Variants in LRP1 observed in about 807,000 individuals in gnomAD.
LRP1 encodes LDL receptor related protein 1.
LRP1 carries 51 observed loss-of-function variants against 541.5 expected under a neutral mutation model. That is an observed-to-expected ratio of 0.09 (90% CI 0.08 to 0.12). The LOEUF is 0.12. LRP1 is among the 10% of genes least tolerant of loss of function. LRP1 has a pLI of 1.00. For synonymous variants in LRP1, 2,219 were observed against 2,470.8 expected, an observed-to-expected ratio of 0.90 and a Z score of 3.02; for missense variants, 3,878 against 6,376.2, an observed-to-expected ratio of 0.61 and a Z score of 13.34.
chr12:57,128,792 C>T lies in LRP1; in HGVS notation c.-173C>T. On this transcript the variant is annotated 5_prime_UTR_variant, in exon 1 of 89. Transcript: ENST00000243077. Reference sequence around the variant, plus strand: ...GTCAGCAGGCCCTCCCCAAGGGGCTCGGAACTCTACCTCTTCACCCACGCC... The same window carrying T: ...GTCAGCAGGCCCTCCCCAAGGGGCTTGGAACTCTACCTCTTCACCCACGCC... 1 of 538,074 alleles carries T rather than the reference C, an allele frequency of 1.9e-6. No individual in the cohort carries two copies. 33.3% of individuals were successfully genotyped at this position (538,074 alleles called of 1,614,324 possible). A position where few individuals can be genotyped will look rare whatever the true frequency, so the allele number is the denominator to read the frequency against.
chr12:57,153,809 A>T (rs552660734), intron 6 of LRP1, among the ~76,000 whole-genome samples: 47 of 152,258 alleles, frequency 3.1e-4, no homozygotes, highest in Middle Eastern at 6.8e-3. Context: ...TTAGCATGAG[A>T]TAACTAGATT....
intron 1 of LRP1, among the ~76,000 whole-genome samples, chr12:57,137,796 A>G (rs2035204078): frequency 1.9e-5 from 2 of 103,954 alleles, no homozygotes; most frequent in Admixed American, 9.4e-5. Flanking sequence ...ACCTTGTCTC[A>G]AAAAAAAAAA....
At chr12:57,136,833 T>A (rs1158111997) in intron 1 of LRP1, among the ~76,000 whole-genome samples, 1 of 152,218 alleles carries the variant, frequency 6.6e-6, no homozygotes, top group Non-Finnish European at 1.5e-5. Context: ...TCTTCATCTG[T>A]GAAATGGTGG....
In LRP1 at chr12:57,212,365, G is replaced by T; in HGVS notation, c.13495-50G>T. The T allele has an allele frequency of 6.2e-7, 1 of 1,613,798 alleles. No homozygotes were observed. Among genetic ancestry groups the T allele is most frequent in the Non-Finnish European group, 8.5e-7 (1 of 1,179,914 alleles). On this transcript the variant is annotated intron_variant, in intron 88 of 88. Coordinates refer to ENST00000243077, the MANE Select transcript of LRP1 (RefSeq NM_002332.3). The surrounding 1 kb of genome is among the most constrained non-coding windows in gnomAD (Gnocchi z 5.0). ...CGGAGGTGGGGGTGGGGTAACCTGG[G>T]CTACAGGCCCAGCTCCTGAGCCCTA...
chr12:57,198,808 G>T, intron 60 of LRP1, 138 bp downstream of exon 60: 1 of 903,726 alleles, frequency 1.1e-6, no homozygotes, highest in African/African-American at 1.6e-5. Context: ...ACTCACTGGG[G>T]TGTGGGGTTC....
Position 57,179,305 on chromosome 12 carries a change from C to T in LRP1, c.4739-24C>T, listed in dbSNP as rs2036113361. ...GAAGCACAGAGGCAGGGACTGCCTT[C>T]AGTGACCAGCCCATGCCCCACAGAG... On this transcript the variant is annotated intron_variant, in intron 28 of 88. Transcript: ENST00000243077. This position sits in a 1 kb window ranked among gnomAD's most constrained non-coding sequence, Gnocchi z 6.8. 6.4e-7 allele frequency: 1 copy of T among 1,564,032 alleles called. No homozygotes were observed. Among genetic ancestry groups the T allele is most frequent in the Non-Finnish European group, 8.8e-7 (1 of 1,136,288 alleles).
Position 57,177,531 on chromosome 12 carries a change from G to C in LRP1, c.4301G>C (p.Gly1434Ala). The C allele has an allele frequency of 6.2e-7, 1 of 1,613,990 alleles. No individual in the cohort carries two copies. The highest frequency in any genetic ancestry group is 8.5e-7 in the Non-Finnish European group (1 of 1,180,014). ...GTGCACCGGGAGACCGGCTCTGGGG[G>C]CTGGCCCAACGGGCTCACCGTGGAC... is the stretch of plus-strand genomic sequence containing the variant. ...RTVHRETGSG[G>A]WPNGLTVDYL... The change falls in exon 26 of 89, where the codon GGC (glycine) becomes GCC (alanine). Residue 1434 changes from glycine (G) to alanine (A), a missense_variant. This residue lies in a region of LRP1 where 54 missense variants were observed against 167.7 expected (regional missense o/e 0.32). Coordinates refer to ENST00000243077, the MANE Select transcript of LRP1 (RefSeq NM_002332.3). This position sits in a 1 kb window ranked among gnomAD's most constrained non-coding sequence, Gnocchi z 6.8.
At chr12:57,167,116 G>A in intron 18 of LRP1, 70 bp downstream of exon 18, 1 of 1,334,216 alleles carries the variant, frequency 7.5e-7, no homozygotes, top group Admixed American at 1.8e-5. Flanking sequence ...TGCCAGTTGG[G>A]GGTGCCGGAG....
intron 12 of LRP1, 101 bp from the exon 13 acceptor site, chr12:57,160,792 C>A: frequency 1.3e-6 from 1 of 799,572 alleles, no homozygotes; most frequent in South Asian, 1.6e-5. Context: ...GACAGGAGAC[C>A]CCTGTGAGGA....
rs775027515 is a variant in LRP1, at chr12:57,193,611, G to A, written c.7730G>A (p.Arg2577His). ...KKTFRQCSNG[R>H]CVSNMLWCNG... ...ACTTTCCGGCAGTGCAGCAATGGGC[G>A]CTGTGTGTCCAACATGCTGTGGTGC... The change falls in exon 47 of 89, where the codon CGC becomes CAC. Residue 2577 changes from arginine to histidine, a missense_variant. Physicochemically the swap from Arg to His is conservative, Grantham distance 29. Coordinates refer to ENST00000243077, the MANE Select transcript of LRP1 (RefSeq NM_002332.3). 5.0e-6 allele frequency: 8 copies of A among 1,614,178 alleles called. No individual in the cohort carries two copies. In the Admixed American group the frequency reaches 5.0e-5, roughly 10 times the overall value.
intron 24 of LRP1, 41 bp downstream of exon 24, chr12:57,176,147 A>C: frequency 6.2e-7 from 1 of 1,606,488 alleles, no homozygotes; most frequent in Non-Finnish European, 8.5e-7. Flanking sequence ...ACACAGGCGG[A>C]GCGCTCAGGC....
intron 44 of LRP1, among the ~76,000 whole-genome samples, chr12:57,192,542 C>T (rs1211613852): frequency 6.6e-6 from 1 of 152,176 alleles, no homozygotes; most frequent in Non-Finnish European, 1.5e-5. Context: ...CTGGGGCTCA[C>T]TACTGCACCC....
At position 57,145,257 on chromosome 12, in the gene LRP1, T is replaced by C; in HGVS notation, c.608T>C (p.Ile203Thr). 2 of 1,614,118 alleles carry C rather than the reference T, an allele frequency of 1.2e-6. No homozygotes were observed. Among genetic ancestry groups the C allele is most frequent in the Non-Finnish European group, 1.7e-6 (2 of 1,180,014 alleles). Residue 203 changes from isoleucine (I) to threonine (T), a missense_variant, in exon 6 of 89, where the codon ATA becomes ACA. Physicochemically the swap from Ile to Thr is moderately conservative, Grantham distance 89. Coordinates refer to ENST00000243077, the MANE Select transcript of LRP1 (RefSeq NM_002332.3). ...GTAGACCGGCCCCCTGTGCTGTTGA[T>C]AGCCAACTCCCAGAACATCTTGGCC... ...EPVDRPPVLL[I>T]ANSQNILATY...
At chr12:57,167,554 T>C in intron 19 of LRP1, 30 bp downstream of exon 19, 4 of 1,581,650 alleles carry the variant, frequency 2.5e-6, no homozygotes, top group Non-Finnish European at 3.5e-6. Flanking sequence ...ACCTGCTGAT[T>C]CCTAAGACAG....
intron 8 of LRP1, chr12:57,155,477 A>G (rs1316694292): frequency 6.5e-6 from 1 of 154,364 alleles, no homozygotes; most frequent in Non-Finnish European, 1.4e-5. Context: ...TCACTGTGCC[A>G]GACACGGATA....
chr12:57,159,893 C>A lies in LRP1; in HGVS notation c.1867C>A (p.Pro623Thr). ...GDNLYWTDDG[P>T]KKTISVARLE... is the part of the protein sequence containing the mutation. ...CAATCTGTACTGGACGGACGATGGG[C>A]CCAAAAAGACAATCAGCGTGGCCAG... Residue 623 changes from proline (P) to threonine (T), a missense_variant, in exon 12 of 89, where the codon CCC (proline) becomes ACC (threonine). Around this residue, in one of 13 missense-constraint regions of LRP1, gnomAD observed 496 missense variants for 861.0 expected, o/e 0.58. Coordinates refer to ENST00000243077, the MANE Select transcript of LRP1 (RefSeq NM_002332.3). 6.2e-7 allele frequency: 1 copy of A among 1,614,140 alleles called. No homozygotes were observed. Among genetic ancestry groups the A allele is most frequent in the Non-Finnish European group, 8.5e-7 (1 of 1,180,026 alleles).
chr12:57,144,221 T>C (rs2035352626), intron 4 of LRP1, among the ~76,000 whole-genome samples: 1 of 152,238 alleles, frequency 6.6e-6, no homozygotes, highest in Non-Finnish European at 1.5e-5. Context: ...TCAAGAGTAC[T>C]GCGTGCTCTT....
intron 2 of LRP1, among the ~76,000 whole-genome samples, chr12:57,139,862 A>G (rs138036724): frequency 2.2e-4 from 34 of 152,314 alleles, no homozygotes; most frequent in African/African-American, 7.0e-4. Context: ...CACTGAGGCC[A>G]GATACACCAG....
At chr12:57,210,973 A>G in intron 83 of LRP1, 94 bp downstream of exon 83, 3 of 1,498,738 alleles carry the variant, frequency 2.0e-6, no homozygotes, top group South Asian at 1.3e-5. Flanking sequence ...TGGGACCCAC[A>G]GGGGCAAGTT....
Sources: allele counts gnomAD v4.1 joint callset (sites outside exome capture counted in the v4.1 genomes callset), GRCh38; gene constraint gnomAD v4.1.1; regional missense constraint gnomAD v4.1.1; non-coding constraint Gnocchi (gnomAD v3.1); transcripts MANE v1.5; gene names NCBI Gene and HGNC (gene_info 2026-07-23, HGNC 2026-07-21).